Variants in METTL15 observed in about 807,000 individuals in gnomAD.
METTL15 encodes the protein methyltransferase 15, mitochondrial 12S rRNA N4-cytidine.
In METTL15, 34 loss-of-function variants were observed where a neutral mutation model predicts 38.3. The observed-to-expected ratio is 0.89, with a 90% CI of 0.68 to 1.18. The LOEUF (loss-of-function observed/expected upper bound fraction) is 1.18. Ranked by LOEUF, METTL15 falls within the 50% of genes most tolerant of loss-of-function variation. The pLI is 0.00. For synonymous variants in METTL15, 162 were observed against 170.9 expected, an observed-to-expected ratio of 0.95 and a Z score of 0.41; for missense variants, 438 against 498.4, an observed-to-expected ratio of 0.88 and a Z score of 1.15.
At chr11:28,146,803 T>A (rs965944358) in intron 3 of METTL15, among the ~76,000 whole-genome samples, 4 of 151,958 alleles carry the variant, frequency 2.6e-5, no homozygotes, top group African/African-American at 4.8e-5. Context: ...ACAAATTAAG[T>A]GGCTTGCTTA....
intron 4 of METTL15, among the ~76,000 whole-genome samples, chr11:28,355,618 C>T (rs992390813): frequency 1.1e-4 from 16 of 152,014 alleles, no homozygotes; most frequent in Middle Eastern, 3.2e-3. Context: ...CAAGTATTTC[C>T]GTAGCATTTA....
chr11:28,406,667 A>G (rs771520229), intron 5 of METTL15, among the ~76,000 whole-genome samples: 3 of 152,116 alleles, frequency 2.0e-5, no homozygotes, highest in African/African-American at 4.8e-5. Flanking sequence ...CTGTTCGAAT[A>G]TGCTTTATTT....
chr11:28,301,684 A>G (rs1276482299), intron 6 of METTL15, among the ~76,000 whole-genome samples: 2 of 152,146 alleles, frequency 1.3e-5, no homozygotes, highest in Non-Finnish European at 2.9e-5. Context: ...ATATTAGGTC[A>G]AATAAGGTAT....
chr11:28,279,333 T>G (rs1042682078), intron 4 of METTL15, among the ~76,000 whole-genome samples: 8 of 152,220 alleles, frequency 5.3e-5, no homozygotes, highest in Admixed American at 2.6e-4. Context: ...AAAATTTGAT[T>G]GTTAAAATTC....
Position 28,222,312 on chromosome 11 carries a change from A to T in METTL15, c.407+11114A>T, listed in dbSNP as rs560989963. ...CCGTTTGATCTCAGACTGCTGTGCT[A>T]GCAATGAGTGAGGCTCCGTGGGCAT... On this transcript the variant is annotated intron_variant, in intron 4 of 6. Coordinates refer to ENST00000407364, the MANE Select transcript of METTL15 (RefSeq NM_001113528.2). 1.1e-4 allele frequency among the ~76,000 whole-genome samples: 16 copies of T among 152,256 alleles called. No individual in the cohort carries two copies. In the South Asian group the frequency reaches 2.9e-3, roughly 28 times the overall value.
chr11:28,516,433 A>T (rs1851720017), intron 6 of METTL15, among the ~76,000 whole-genome samples: 1 of 152,236 alleles, frequency 6.6e-6, no homozygotes, highest in Non-Finnish European at 1.5e-5. Context: ...TGAAGTTGTC[A>T]GCAATAAAAC....
At chr11:28,174,827 A>T (rs1392133909) in intron 3 of METTL15, among the ~76,000 whole-genome samples, 27 of 146,920 alleles carry the variant, frequency 1.8e-4, no homozygotes, top group East Asian at 5.9e-4. Flanking sequence ...AAAAAAAAAA[A>T]AAACATAAAA....
intron 6 of METTL15, among the ~76,000 whole-genome samples, chr11:28,499,483 C>T (rs1008650416): frequency 3.9e-5 from 6 of 152,136 alleles, no homozygotes; most frequent in African/African-American, 1.4e-4. Context: ...CATTAGTTCT[C>T]TTTATTCCTA....
chr11:28,215,163 C>T (rs1289492870), intron 4 of METTL15, among the ~76,000 whole-genome samples: 1 of 152,156 alleles, frequency 6.6e-6, no homozygotes, highest in Admixed American at 6.5e-5. Flanking sequence ...TCAATAAGGC[C>T]TCTCTATGCA....
chr11:28,205,457 T>C (rs1345524671), intron 3 of METTL15, among the ~76,000 whole-genome samples: 2 of 152,280 alleles, frequency 1.3e-5, no homozygotes, highest in East Asian at 3.9e-4. Flanking sequence ...TATGGCTGCA[T>C]AGTATTCCAT....
chr11:28,466,111 G>T (rs987521625), intron 6 of METTL15, among the ~76,000 whole-genome samples: 1 of 152,128 alleles, frequency 6.6e-6, no homozygotes, highest in Non-Finnish European at 1.5e-5. Context: ...ATTTGGCTGG[G>T]TCTCAGGAAC....
chr11:28,209,721 A>G (rs1227081145), intron 3 of METTL15, among the ~76,000 whole-genome samples: 1 of 151,980 alleles, frequency 6.6e-6, no homozygotes, highest in Non-Finnish European at 1.5e-5. Context: ...TTAGCATGGT[A>G]GATACGAGCC....
intron 3 of METTL15, among the ~76,000 whole-genome samples, chr11:28,344,739 A>G (rs1280151483): frequency 6.6e-6 from 1 of 152,222 alleles, no homozygotes; most frequent in Non-Finnish European, 1.5e-5. Flanking sequence ...TGTTGGGCAC[A>G]AAGAATGGAA....
At chr11:28,456,882 C>G (rs941058032) in intron 6 of METTL15, among the ~76,000 whole-genome samples, 1 of 152,202 alleles carries the variant, frequency 6.6e-6, no homozygotes. Flanking sequence ...CCAGATGATT[C>G]TAACCTGCAA....
At chr11:28,174,521 A>G (rs1180380803) in intron 3 of METTL15, among the ~76,000 whole-genome samples, 2 of 152,052 alleles carry the variant, frequency 1.3e-5, no homozygotes, top group South Asian at 2.1e-4. Context: ...TTTTTTTAAG[A>G]TCTCTATTTT....
chr11:28,144,128 T>C (rs1482191738), intron 3 of METTL15, among the ~76,000 whole-genome samples: 2 of 152,166 alleles, frequency 1.3e-5, no homozygotes, highest in Non-Finnish European at 2.9e-5. Flanking sequence ...TAATCTTTTA[T>C]GTAGTGGATT....
At chr11:28,401,409 T>C (rs1850629404) in intron 5 of METTL15, among the ~76,000 whole-genome samples, 1 of 152,026 alleles carries the variant, frequency 6.6e-6, no homozygotes, top group South Asian at 2.1e-4. Flanking sequence ...TTTTTTCAAA[T>C]TTAGAGAACT....
intron 3 of METTL15, among the ~76,000 whole-genome samples, chr11:28,139,322 G>T (rs1168917104): frequency 2.0e-5 from 3 of 152,088 alleles, no homozygotes; most frequent in Non-Finnish European, 4.4e-5. Context: ...AAGATGATTG[G>T]TTACTCAACT....
At chr11:28,404,276 AC>A (rs1850656048) in intron 5 of METTL15, among the ~76,000 whole-genome samples, 1 of 152,100 alleles carries the variant, frequency 6.6e-6, no homozygotes, top group Admixed American at 6.6e-5. Flanking sequence ...CATTCTGTCT[AC>A]CATAACAAAA....
Sources: allele counts gnomAD v4.1 joint callset (sites outside exome capture counted in the v4.1 genomes callset), GRCh38; gene constraint gnomAD v4.1.1; transcripts MANE v1.5; gene names NCBI Gene and HGNC (gene_info 2026-07-23, HGNC 2026-07-21).